The following PRKCI variants were observed in gnomAD, a reference collection of about 807,000 sequenced individuals.
PRKCI encodes protein kinase C iota.
A neutral mutation model predicts 84.0 loss-of-function variants in PRKCI; 43 were observed. That is an observed-to-expected ratio of 0.51 (90% CI 0.40 to 0.66). PRKCI has a LOEUF of 0.66. PRKCI is among the 30% of genes least tolerant of loss of function. The pLI is 0.00. For missense variants in PRKCI, 459 were observed against 745.6 expected (o/e 0.62, Z 4.48); for synonymous variants, 216 against 234.4 (o/e 0.92, Z 0.72).
In PRKCI at chr3:170,235,234, A is replaced by G. The variant is rs1732939640; in HGVS notation, c.106A>G (p.Ile36Val). The change falls in exon 2 of 18, where the codon ATC (isoleucine) becomes GTC (valine). Residue 36 changes from isoleucine to valine, a missense_variant. Ile to Val is a conservative substitution (Grantham distance 29, BLOSUM62 3). Coordinates refer to ENST00000295797, the MANE Select transcript of PRKCI (RefSeq NM_002740.6). ...VRVKAYYRGD[I>V]MITHFEPSIS... The stretch of plus-strand genomic sequence containing the variant: ...AAAACTCCTTTTCTTTTTCAGGGAT[A>G]TCATGATAACACATTTTGAACCTTC... 2 of 1,613,344 alleles carry G rather than the reference A, an allele frequency of 1.2e-6. No homozygotes were observed. The highest frequency in any genetic ancestry group is 1.7e-5 in the Admixed American group (1 of 59,978).
intron 14 of PRKCI, among the ~76,000 whole-genome samples, chr3:170,295,339 A>G (rs546716952): frequency 7.8e-4 from 118 of 152,094 alleles, no homozygotes; most frequent in Non-Finnish European, 1.4e-3. Flanking sequence ...CTTGAGCAAT[A>G]TGGTGAGACC....
chr3:170,251,676 A>G (rs1331767971), intron 2 of PRKCI, among the ~76,000 whole-genome samples: 1 of 150,704 alleles, frequency 6.6e-6, no homozygotes, highest in Non-Finnish European at 1.5e-5. Flanking sequence ...TTGGGAGACC[A>G]AAACAGGTGG....
chr3:170,262,615 G>T (rs1044369557), intron 3 of PRKCI, among the ~76,000 whole-genome samples: 1 of 151,996 alleles, frequency 6.6e-6, no homozygotes, highest in African/African-American at 2.4e-5. Context: ...TAGGGAGCTG[G>T]GATTACAGGC....
chr3:170,266,405 C>T (rs916453764), intron 4 of PRKCI, among the ~76,000 whole-genome samples: 5 of 151,870 alleles, frequency 3.3e-5, no homozygotes, highest in Non-Finnish European at 7.4e-5. Context: ...ATTTGTGTAC[C>T]TCATGAAAAG....
At chr3:170,269,739 C>T (rs543113514) in intron 5 of PRKCI, among the ~76,000 whole-genome samples, 8 of 152,176 alleles carry the variant, frequency 5.3e-5, no homozygotes, top group African/African-American at 1.9e-4. Flanking sequence ...GGTGGATCAC[C>T]TGAGGTCCAG....
Position 170,303,133 on chromosome 3 carries a change from AT to A in PRKCI, c.*11del, listed in dbSNP as rs1380292764. The A allele has an allele frequency of 2.5e-6, 4 of 1,585,240 alleles. No homozygotes were observed. The highest frequency in any genetic ancestry group is 1.1e-5 in the South Asian group (1 of 88,274). On this transcript the variant is annotated 3_prime_UTR_variant, in exon 18 of 18. Coordinates refer to ENST00000295797, the MANE Select transcript of PRKCI (RefSeq NM_002740.6). ...CTGCAGAAGAATGTGTCTGATCCTC[AT>A]TTTTCAACCATGTATTCTACTCATG...
At chr3:170,243,069 T>C (rs1733176744) in intron 2 of PRKCI, among the ~76,000 whole-genome samples, 1 of 152,074 alleles carries the variant, frequency 6.6e-6, no homozygotes, top group Admixed American at 6.6e-5. Flanking sequence ...TTGACATATA[T>C]ATGTATACAT....
At chr3:170,246,078 G>A (rs917152125) in intron 2 of PRKCI, among the ~76,000 whole-genome samples, 13 of 149,542 alleles carry the variant, frequency 8.7e-5, no homozygotes, top group South Asian at 2.1e-4. Context: ...TCAGCCTCCC[G>A]AGTAGCTGGA....
At chr3:170,247,482 G>A (rs141157227) in intron 2 of PRKCI, among the ~76,000 whole-genome samples, 3,192 of 151,952 alleles carry the variant, frequency 0.021, 52 homozygotes, top group East Asian at 0.085. Context: ...TGTAATCCCA[G>A]CACTTTGGGA....
Position 170,225,004 on chromosome 3 carries a change from T to G in PRKCI, c.101+2234T>G, listed in dbSNP as rs79962053. Among the ~76,000 whole-genome samples the G allele has an allele frequency of 1.6e-3, 241 of 152,354 alleles. 4 individuals carry two copies. The East Asian group carries it at 0.039, about 24-fold the overall frequency. On this transcript the variant is annotated intron_variant, in intron 1 of 17. Transcript: ENST00000295797. ...GAAGAAATCAAAGTCTTGCTGTACT[T>G]CATGAATTTAGATAGCAAATTATCT...
chr3:170,230,165 C>CT (rs545430768), intron 1 of PRKCI, among the ~76,000 whole-genome samples: 2,114 of 134,872 alleles, frequency 0.016, 53 homozygotes, highest in African/African-American at 0.045. Flanking sequence ...TATTATGCAA[C>CT]TTTTTTTTTT....
At chr3:170,252,818 A>C (rs572790715) in intron 2 of PRKCI, among the ~76,000 whole-genome samples, 32 of 152,076 alleles carry the variant, frequency 2.1e-4, no homozygotes, top group African/African-American at 6.7e-4. Flanking sequence ...GTCTTGAACC[A>C]AATACTAGAT....
At chr3:170,261,609 A>C in intron 3 of PRKCI, among the ~76,000 whole-genome samples, 1 of 151,782 alleles carries the variant, frequency 6.6e-6, no homozygotes, top group Middle Eastern at 3.2e-3. Context: ...TCAGCCTCCA[A>C]AGTACTTGGG....
rs1255717037 is a variant in PRKCI at position 170,303,869 on chromosome 3, TAC to T, written c.*743_*744del. 26 of 173,708 alleles carry T rather than the reference TAC, an allele frequency of 1.5e-4. No homozygotes were observed. The East Asian group carries it at 2.6e-3, about 17-fold the overall frequency. The allele number at this position is 173,708 out of a possible 1,614,324, so 10.8% of individuals were successfully genotyped here. A position where few individuals can be genotyped will look rare whatever the true frequency, so the allele number is the denominator to read the frequency against. Reference sequence around the variant, plus strand: ...AAAATTAGCTGGGCATGGTGGCACATACCTGTAATCCCAGCTACTCGGGAGGC... The same window carrying T: ...AAAATTAGCTGGGCATGGTGGCACATCTGTAATCCCAGCTACTCGGGAGGC... On this transcript the variant is annotated 3_prime_UTR_variant, in exon 18 of 18. Transcript: ENST00000295797.
At chr3:170,283,604 G>A (rs1378966806) in intron 11 of PRKCI, among the ~76,000 whole-genome samples, 1 of 152,142 alleles carries the variant, frequency 6.6e-6, no homozygotes, top group Non-Finnish European at 1.5e-5. Flanking sequence ...ATTTTGAATT[G>A]TGAACATAGC....
chr3:170,268,865 T>G (rs1328599979), intron 5 of PRKCI, among the ~76,000 whole-genome samples: 1 of 152,216 alleles, frequency 6.6e-6, no homozygotes, highest in Admixed American at 6.6e-5. Flanking sequence ...AACCAAAGTT[T>G]GAAAGCAGCA....
chr3:170,299,119 T>C lies in PRKCI; in HGVS notation c.1703+9T>C, dbSNP rs767801982. On this transcript the variant is annotated intron_variant, in intron 17 of 17. Coordinates refer to ENST00000295797, the MANE Select transcript of PRKCI (RefSeq NM_002740.6). ...CTCACTCCAGATGACGAGTAAGTAA[T>C]TCTGTACACTGAAATTTTTTTTTAA... 4.0e-6 allele frequency: 6 copies of C among 1,513,562 alleles called. No homozygotes were observed. The highest frequency in any genetic ancestry group is 4.4e-6 in the Non-Finnish European group (5 of 1,128,578). The allele number at this position is 1,513,562 out of a possible 1,614,324, so 93.8% of individuals were successfully genotyped here.
intron 2 of PRKCI, among the ~76,000 whole-genome samples, chr3:170,238,913 A>C (rs986982640): frequency 6.7e-6 from 1 of 150,348 alleles, no homozygotes. Flanking sequence ...TTCTCTTTTA[A>C]TACAGAGGCT....
At position 170,255,058 on chromosome 3, in the gene PRKCI, T is replaced by G. The variant is rs1410048077; in HGVS notation, c.224-4911T>G. Among the ~76,000 whole-genome samples the G allele has an allele frequency of 3.7e-5, 3 of 81,908 alleles. No individual in the cohort carries two copies. The East Asian group carries it at 9.4e-4, about 26-fold the overall frequency. The allele number at this position is 81,908 out of a possible 152,430, so 53.7% of individuals were successfully genotyped here. A position where few individuals can be genotyped will look rare whatever the true frequency, so the allele number is the denominator to read the frequency against. Reference sequence around the variant, plus strand: ...TTGTAAAGAAAGAGATCTTTCACTTTTTTTTTTTTTTTTTTTTTTGAGACA... The same window carrying G: ...TTGTAAAGAAAGAGATCTTTCACTTGTTTTTTTTTTTTTTTTTTTGAGACA... On this transcript the variant is annotated intron_variant, in intron 2 of 17. Transcript: ENST00000295797.
Sources: gnomAD v4.1 joint callset for allele counts (sites outside exome capture counted in the v4.1 genomes callset) on GRCh38, gnomAD v4.1.1 for gene constraint, MANE v1.5 for transcripts, NCBI Gene and HGNC (gene_info 2026-07-23, HGNC 2026-07-21) for gene names.